Variants in CHIC1 observed in about 807,000 individuals in gnomAD.
CHIC1 encodes cysteine-rich hydrophobic domain-containing protein 1.
In CHIC1, 7 loss-of-function variants were observed where a neutral mutation model predicts 18.5. The observed-to-expected ratio is 0.38, with a 90% CI of 0.22 to 0.71. The LOEUF is 0.71. Ranked by LOEUF, CHIC1 falls within the 30% of genes least tolerant of loss-of-function variation. The pLI is 0.49. For missense variants in CHIC1, 159 were observed against 176.9 expected, an observed-to-expected ratio of 0.90 and a Z score of 0.57; for synonymous variants, 77 against 73.5, an observed-to-expected ratio of 1.05 and a Z score of -0.25.
At chrX:73,578,391 C>T (rs1474926699) in intron 2 of CHIC1, among the ~76,000 whole-genome samples, 1 of 110,447 alleles carries the variant, frequency 9.1e-6, no homozygotes, top group Non-Finnish European at 1.9e-5. Context: ...AATACTCAGT[C>T]ATTGCCAAAT....
In CHIC1 at chrX:73,563,347, GGAA is replaced by G. The variant is rs761055802; in HGVS notation, c.71_73del (p.Glu24del). The G allele has an allele frequency of 4.1e-5, 47 of 1,150,204 alleles. No homozygotes were observed. The highest frequency in any genetic ancestry group is 5.5e-5 in the African/African-American group (3 of 54,502). The allele number at this position is 1,150,204 out of a possible 1,213,427, so 94.8% of individuals were successfully genotyped here. The stretch of plus-strand genomic sequence containing the variant: ...CCATCTCGGAACTGGAGGAGGAGGA[GGAA>G]GAAGAAGCGGCAACGTCGTCGTCGT... On this transcript the variant is annotated inframe_deletion, in exon 1 of 6. Transcript: ENST00000373502.
chrX:73,676,294 A>G (rs1352433046), intron 3 of CHIC1, among the ~76,000 whole-genome samples: 2 of 111,518 alleles, frequency 1.8e-5, no homozygotes, highest in African/African-American at 3.3e-5. Context: ...GCTAGATTGG[A>G]GAAGTTCTCC....
At chrX:73,672,128 A>T (rs1411861030) in intron 3 of CHIC1, among the ~76,000 whole-genome samples, 3 of 111,823 alleles carry the variant, frequency 2.7e-5, no homozygotes, top group Non-Finnish European at 3.8e-5. Flanking sequence ...ATAGTATTCC[A>T]TGGTGTATAT....
intron 3 of CHIC1, among the ~76,000 whole-genome samples, chrX:73,598,827 A>G (rs1231693005): frequency 9.0e-6 from 1 of 110,559 alleles, no homozygotes; most frequent in East Asian, 2.9e-4. Flanking sequence ...CATGATTTAG[A>G]GTTCTTTGGG....
intron 3 of CHIC1, among the ~76,000 whole-genome samples, chrX:73,662,181 C>G (rs780031178): frequency 1.4e-4 from 15 of 110,461 alleles, no homozygotes; most frequent in South Asian, 3.9e-4. Context: ...ATTTGCAGGT[C>G]TGAAGATAAT....
intron 1 of CHIC1, among the ~76,000 whole-genome samples, chrX:73,576,056 C>G (rs910304172): frequency 9.2e-6 from 1 of 109,062 alleles, no homozygotes; most frequent in Non-Finnish European, 1.9e-5. Context: ...TCATGATCAT[C>G]AATATCACTT....
intron 1 of CHIC1, 32 bp from the exon 2 acceptor site, chrX:73,577,375 A>G: frequency 9.0e-7 from 1 of 1,110,504 alleles, no homozygotes; most frequent in East Asian, 3.0e-5. Flanking sequence ...TATGCTGGGT[A>G]GAACATATTT....
intron 3 of CHIC1, among the ~76,000 whole-genome samples, chrX:73,617,330 C>A (rs922578558): frequency 1.8e-5 from 2 of 111,875 alleles, no homozygotes; most frequent in African/African-American, 6.5e-5. Flanking sequence ...AGCCATTCAA[C>A]AAGTTACAAA....
chrX:73,574,487 G>A (rs766528536), intron 1 of CHIC1, among the ~76,000 whole-genome samples: 26 of 110,564 alleles, frequency 2.4e-4, no homozygotes, highest in African/African-American at 6.9e-4. Flanking sequence ...TTTTGGAATC[G>A]TTTCAGTGGG....
At chrX:73,606,446 G>A (rs139089943) in intron 3 of CHIC1, among the ~76,000 whole-genome samples, 1,855 of 106,831 alleles carry the variant, frequency 0.017, 53 homozygotes, top group Admixed American at 0.064. Context: ...TTAGCTCAGC[G>A]GAGTTTGTTG....
At position 73,684,064 on chromosome X, in the gene CHIC1, C is replaced by G. The variant is rs1279855280; in HGVS notation, c.*3059C>G. 9.0e-6 allele frequency: 1 copy of G among 111,460 alleles called. No individual in the cohort carries two copies. Among genetic ancestry groups the G allele is most frequent in the Non-Finnish European group, 1.9e-5 (1 of 52,674 alleles). 9.2% of individuals were successfully genotyped at this position (111,460 alleles called of 1,213,427 possible). ...GTAGATGATTAGATTAGAAATCATC[C>G]TTTTCAACTAGGTCTAAGAATACTT... is the stretch of plus-strand genomic sequence containing the variant. On this transcript the variant is annotated 3_prime_UTR_variant, in exon 6 of 6. Transcript: ENST00000373502.
At position 73,684,632 on chromosome X, in the gene CHIC1, T is replaced by G; in HGVS notation, c.*3627T>G. 1 of 111,548 alleles carries G rather than the reference T, an allele frequency of 9.0e-6. No individual in the cohort carries two copies. The highest frequency in any genetic ancestry group is 4.7e-3 in the Middle Eastern group (1 of 211). 9.2% of individuals were successfully genotyped at this position (111,548 alleles called of 1,213,427 possible). On this transcript the variant is annotated 3_prime_UTR_variant, in exon 6 of 6. Coordinates refer to ENST00000373502, the MANE Select transcript of CHIC1 (RefSeq NM_001039840.4). Reference sequence around the variant, plus strand: ...ATAGTAGAAATACTTTTTGCTAATTTGATTATAAGTGCTCAAATTTATTGA... The same window carrying G: ...ATAGTAGAAATACTTTTTGCTAATTGGATTATAAGTGCTCAAATTTATTGA...
At chrX:73,676,123 C>T (rs201641365) in intron 3 of CHIC1, among the ~76,000 whole-genome samples, 3 of 110,098 alleles carry the variant, frequency 2.7e-5, no homozygotes, top group African/African-American at 3.3e-5. Flanking sequence ...ATGGGCTTCC[C>T]TTTGTGGGTA....
intron 1 of CHIC1, among the ~76,000 whole-genome samples, chrX:73,573,351 T>C (rs146566227): frequency 3.8e-3 from 428 of 111,690 alleles, no homozygotes; most frequent in Non-Finnish European, 6.6e-3. Flanking sequence ...ACCCTTGTAG[T>C]ATAGTTTGAA....
chrX:73,594,393 C>A (rs1229731251), intron 3 of CHIC1, among the ~76,000 whole-genome samples: 5 of 111,458 alleles, frequency 4.5e-5, no homozygotes, highest in Non-Finnish European at 7.5e-5. Flanking sequence ...TGGTCTTGAA[C>A]TCCTCACCTC....
intron 3 of CHIC1, among the ~76,000 whole-genome samples, chrX:73,644,032 C>G (rs944214566): frequency 3.6e-5 from 4 of 111,808 alleles, no homozygotes; most frequent in African/African-American, 1.3e-4. Flanking sequence ...TGGTGACGTA[C>G]AGATGGGTTT....
intron 2 of CHIC1, among the ~76,000 whole-genome samples, chrX:73,578,439 T>C (rs1005921298): frequency 2.7e-5 from 3 of 110,397 alleles, no homozygotes; most frequent in Admixed American, 9.7e-5. Context: ...AAAAACATGA[T>C]TAGGGGTTAA....
intron 2 of CHIC1, chrX:73,578,806 A>G: frequency 9.1e-6 from 1 of 110,257 alleles, no homozygotes; most frequent in Non-Finnish European, 1.9e-5. Flanking sequence ...GACTTTTCTG[A>G]TATCTTTTAG....
intron 3 of CHIC1, among the ~76,000 whole-genome samples, chrX:73,645,505 G>T (rs1416667856): frequency 8.9e-6 from 1 of 112,043 alleles, no homozygotes; most frequent in Admixed American, 9.4e-5. Flanking sequence ...CATAACAGCT[G>T]TATTAATTTA....
Sources: allele counts gnomAD v4.1 joint callset (sites outside exome capture counted in the v4.1 genomes callset), GRCh38; gene constraint gnomAD v4.1.1; transcripts MANE v1.5; gene names NCBI Gene and HGNC (gene_info 2026-07-23, HGNC 2026-07-21).